The following RALGAPA1 variants were observed in gnomAD, a reference collection of about 807,000 sequenced individuals.
RALGAPA1 encodes ral GTPase-activating protein subunit alpha-1.
In RALGAPA1, 52 loss-of-function variants were observed where a neutral mutation model predicts 269.6. The ratio of observed to expected loss-of-function variants is 0.19; its 90% CI spans 0.15 to 0.24. The LOEUF (loss-of-function observed/expected upper bound fraction) is 0.24, where lower values mean the gene tolerates loss of function less well. RALGAPA1 is among the 10% of genes least tolerant of loss of function. RALGAPA1 has a pLI of 1.00. For synonymous variants in RALGAPA1, 817 were observed against 1,008.3 expected (o/e 0.81, Z 3.60); for missense variants, 1,917 against 3,013.9 (o/e 0.64, Z 8.52).
intron 41 of RALGAPA1, among the ~76,000 whole-genome samples, chr14:35,543,736 G>A (rs758008216): frequency 2.6e-5 from 4 of 152,150 alleles, no homozygotes; most frequent in Non-Finnish European, 4.4e-5. Context: ...TCTGCCTCCC[G>A]GGTTCAAGTG....
At chr14:35,662,781 A>C (rs556949048) in intron 27 of RALGAPA1, among the ~76,000 whole-genome samples, 8 of 152,348 alleles carry the variant, frequency 5.3e-5, no homozygotes, top group African/African-American at 1.9e-4. Context: ...ATGTACCTTC[A>C]GAACAGTAAA....
At chr14:35,787,673 G>A (rs1013486389) in intron 1 of RALGAPA1, among the ~76,000 whole-genome samples, 6 of 150,288 alleles carry the variant, frequency 4.0e-5, no homozygotes, top group Non-Finnish European at 5.9e-5. Context: ...CGACCTCTGG[G>A]CTCGTAATTC....
At chr14:35,727,022 A>G (rs1303777719) in intron 13 of RALGAPA1, among the ~76,000 whole-genome samples, 3 of 152,100 alleles carry the variant, frequency 2.0e-5, no homozygotes, top group African/African-American at 7.2e-5. Context: ...CAAATGTGTT[A>G]ATAATAATAA....
intron 33 of RALGAPA1, among the ~76,000 whole-genome samples, chr14:35,630,693 G>A (rs891247643): frequency 4.6e-5 from 7 of 152,092 alleles, no homozygotes; most frequent in African/African-American, 1.7e-4. Flanking sequence ...TCAGTAGTTC[G>A]AGACCAGCCT....
intron 21 of RALGAPA1, 38 bp from the exon 22 acceptor site, chr14:35,678,140 T>C (rs1436777070): frequency 4.5e-6 from 7 of 1,567,132 alleles, no homozygotes; most frequent in South Asian, 2.4e-5. Flanking sequence ...ATAAAGAGTA[T>C]TCAATATCCT....
rs200605816 is a variant in RALGAPA1 at position 35,606,756 on chromosome 14, TA to T, written c.6930-1048del. 1.8e-3 allele frequency among the ~76,000 whole-genome samples: 253 copies of T among 141,186 alleles called. 1 individual carries two copies. The Middle Eastern group carries it at 0.032, about 18-fold the overall frequency. The allele number at this position is 141,186 out of a possible 152,430, so 92.6% of individuals were successfully genotyped here. A position where few individuals can be genotyped will look rare whatever the true frequency, so the allele number is the denominator to read the frequency against. On this transcript the variant is annotated intron_variant, in intron 35 of 41. Coordinates refer to ENST00000680220, the MANE Select transcript of RALGAPA1 (RefSeq NM_001346249.2). Reference sequence around the variant, plus strand: ...TTTCACTACTATACCATGTAGGAATTAAAAAAAAAAAAAACCCTGCAACAAC... The same window carrying T: ...TTTCACTACTATACCATGTAGGAATTAAAAAAAAAAAAACCCTGCAACAAC...
At chr14:35,776,974 G>C (rs1028900102) in intron 1 of RALGAPA1, among the ~76,000 whole-genome samples, 2 of 152,028 alleles carry the variant, frequency 1.3e-5, no homozygotes, top group African/African-American at 2.4e-5. Context: ...GAGAACTGTA[G>C]TTTCTGGGTC....
chr14:35,801,830 C>T (rs2076998632), intron 1 of RALGAPA1, among the ~76,000 whole-genome samples: 1 of 152,056 alleles, frequency 6.6e-6, no homozygotes, highest in South Asian at 2.1e-4. Flanking sequence ...TTGCTTTACC[C>T]CTAAGATCAA....
chr14:35,653,514 T>A (rs976842472), intron 30 of RALGAPA1, among the ~76,000 whole-genome samples: 1 of 152,192 alleles, frequency 6.6e-6, no homozygotes, highest in African/African-American at 2.4e-5. Flanking sequence ...CAGACTCAGT[T>A]GCCTGAACAA....
At chr14:35,605,785 T>C in intron 35 of RALGAPA1, 76 bp from the exon 36 acceptor site, 1 of 1,512,634 alleles carries the variant, frequency 6.6e-7, no homozygotes, top group East Asian at 2.3e-5. Flanking sequence ...AAGTTCTATG[T>C]ACAAAGTATG....
chr14:35,669,783 T>C (rs1321981614), intron 26 of RALGAPA1, among the ~76,000 whole-genome samples: 1 of 152,210 alleles, frequency 6.6e-6, no homozygotes, highest in Non-Finnish European at 1.5e-5. Flanking sequence ...TTATGTTGCT[T>C]GAGCACAAAG....
chr14:35,739,077 T>C (rs1003474871), intron 11 of RALGAPA1, among the ~76,000 whole-genome samples: 1 of 151,640 alleles, frequency 6.6e-6, no homozygotes, highest in Admixed American at 6.6e-5. Context: ...TACTTAGGAG[T>C]ACTAAAATTC....
At chr14:35,634,115 A>T (rs1039182429) in intron 33 of RALGAPA1, among the ~76,000 whole-genome samples, 8 of 152,170 alleles carry the variant, frequency 5.3e-5, no homozygotes, top group African/African-American at 1.9e-4. Flanking sequence ...ATAAAATATC[A>T]AAAAGAACTT....
At chr14:35,557,077 T>G (rs1188423876) in intron 39 of RALGAPA1, among the ~76,000 whole-genome samples, 2 of 148,998 alleles carry the variant, frequency 1.3e-5, no homozygotes, top group Non-Finnish European at 3.0e-5. Flanking sequence ...CAAAAAGCAC[T>G]AATATGATTA....
chr14:35,703,390 G>T (rs2067531744), intron 16 of RALGAPA1, among the ~76,000 whole-genome samples: 1 of 152,096 alleles, frequency 6.6e-6, no homozygotes, highest in South Asian at 2.1e-4. Context: ...GAGGTGAGAG[G>T]ATCACTTGAG....
chr14:35,628,795 T>A (rs1773283658), intron 33 of RALGAPA1, among the ~76,000 whole-genome samples: 1 of 152,208 alleles, frequency 6.6e-6, no homozygotes, highest in South Asian at 2.1e-4. Flanking sequence ...TGTGGTACAG[T>A]CTAGCAGTCA....
At chr14:35,757,141 G>C (rs559395156) in intron 6 of RALGAPA1, among the ~76,000 whole-genome samples, 4 of 144,582 alleles carry the variant, frequency 2.8e-5, no homozygotes, top group Admixed American at 1.4e-4. Flanking sequence ...TTTTTGAGAC[G>C]GAGTCTCACT....
chr14:35,714,938 C>T (rs1308960775), intron 16 of RALGAPA1, among the ~76,000 whole-genome samples: 1 of 152,160 alleles, frequency 6.6e-6, no homozygotes, highest in African/African-American at 2.4e-5. Flanking sequence ...ATTGTCAGTG[C>T]TGAGAACACT....
chr14:35,761,617 A>G (rs1346801709), intron 5 of RALGAPA1, among the ~76,000 whole-genome samples: 1 of 152,240 alleles, frequency 6.6e-6, no homozygotes, highest in Non-Finnish European at 1.5e-5. Flanking sequence ...CTATTAAAGC[A>G]TCTAAAACAA....
Sources: gnomAD v4.1 joint callset for allele counts (sites outside exome capture counted in the v4.1 genomes callset) on GRCh38, gnomAD v4.1.1 for gene constraint, MANE v1.5 for transcripts, NCBI Gene and HGNC (gene_info 2026-07-23, HGNC 2026-07-21) for gene names.